CMSS1: variants seen among roughly 807,000 people sequenced by gnomAD.
CMSS1 encodes the protein protein CMSS1.
In CMSS1, 33 loss-of-function variants were observed where a neutral mutation model predicts 43.5. That is an observed-to-expected ratio of 0.76 (90% CI 0.57 to 1.01). The LOEUF is 1.01. Among genes scored for constraint, CMSS1 ranks in the 50% least tolerant of loss-of-function variants. The pLI is 0.00. For missense variants in CMSS1, 313 were observed against 326.4 expected (o/e 0.96, Z 0.32); for synonymous variants, 115 against 117.2 (o/e 0.98, Z 0.12).
At chr3:99,876,210 A>T (rs909307156) in intron 1 of CMSS1, 6 of 985,274 alleles carry the variant, frequency 6.1e-6, no homozygotes, top group Non-Finnish European at 7.2e-6. Flanking sequence ...TATGGGCGTT[A>T]CGTCACTGTT....
intron 1 of CMSS1, among the ~76,000 whole-genome samples, chr3:99,893,243 G>A (rs1706146000): frequency 7.0e-6 from 1 of 142,762 alleles, no homozygotes; most frequent in Non-Finnish European, 1.5e-5. Context: ...TCGGCTCACT[G>A]CAACCTCCGC....
At chr3:100,004,014 C>T (rs1303547732) in intron 1 of CMSS1, among the ~76,000 whole-genome samples, 4 of 152,092 alleles carry the variant, frequency 2.6e-5, no homozygotes, top group Non-Finnish European at 4.4e-5. Flanking sequence ...ATGTCTGTTC[C>T]CACCTGCCTC....
At chr3:99,859,369 A>G (rs1042702923) in intron 1 of CMSS1, among the ~76,000 whole-genome samples, 2 of 152,264 alleles carry the variant, frequency 1.3e-5, no homozygotes, top group Non-Finnish European at 1.5e-5. Context: ...TGATGATACC[A>G]AAGCTTGTTT....
At position 100,008,030 on chromosome 3, in the gene CMSS1, C is replaced by G. The variant is rs1710038572; in HGVS notation, c.65-138943C>G. ...TCCCCAGCACAACCTTGCCTGGGAC[C>G]TGTACACAAAGTGTTTCCCTCCTCC... On this transcript the variant is annotated intron_variant, in intron 1 of 9. Transcript: ENST00000421999. Among the ~76,000 whole-genome samples the G allele has an allele frequency of 2.6e-5, 4 of 152,262 alleles. No individual in the cohort carries two copies. In the South Asian group the frequency reaches 8.3e-4, roughly 32 times the overall value.
intron 1 of CMSS1, among the ~76,000 whole-genome samples, chr3:100,038,236 G>A (rs1021541455): frequency 6.6e-6 from 1 of 152,114 alleles, no homozygotes; most frequent in Non-Finnish European, 1.5e-5. Context: ...GATTACAGGC[G>A]TGAGCCACCA....
intron 1 of CMSS1, among the ~76,000 whole-genome samples, chr3:100,082,030 T>C (rs189561756): frequency 3.3e-4 from 51 of 152,366 alleles, no homozygotes; most frequent in African/African-American, 1.2e-3. Flanking sequence ...CAGTATCTTA[T>C]GATATTCTCT....
intron 1 of CMSS1, among the ~76,000 whole-genome samples, chr3:99,992,186 A>C (rs1424632136): frequency 1.3e-5 from 2 of 152,034 alleles, no homozygotes; most frequent in Non-Finnish European, 2.9e-5. Flanking sequence ...TATATATCCC[A>C]GTAGTGAAAT....
intron 1 of CMSS1, among the ~76,000 whole-genome samples, chr3:100,054,874 A>T (rs767433710): frequency 1.3e-5 from 2 of 152,188 alleles, no homozygotes; most frequent in Non-Finnish European, 2.9e-5. Flanking sequence ...CAGAAGTATG[A>T]GGTCATTTCA....
intron 1 of CMSS1, among the ~76,000 whole-genome samples, chr3:100,030,016 T>A (rs1420822649): frequency 6.6e-6 from 1 of 152,090 alleles, no homozygotes; most frequent in African/African-American, 2.4e-5. Flanking sequence ...GCTTCACATT[T>A]CTCTAGCATG....
chr3:100,100,220 T>C lies in CMSS1; in HGVS notation c.65-46753T>C, dbSNP rs1414236153. Among the ~76,000 whole-genome samples, 4 of 152,106 alleles carry C rather than the reference T, an allele frequency of 2.6e-5. No individual in the cohort carries two copies. The South Asian group carries it at 8.3e-4, about 32-fold the overall frequency. On this transcript the variant is annotated intron_variant, in intron 1 of 9. Coordinates refer to ENST00000421999, the MANE Select transcript of CMSS1 (RefSeq NM_032359.4). ...GCACAAGTAGCCTTCTCCTGAGATA[T>C]TCAAGGGTTGTACATCCTGAGGAAA... is the stretch of plus-strand genomic sequence containing the variant.
chr3:100,008,909 A>G (rs1710065516), intron 1 of CMSS1, among the ~76,000 whole-genome samples: 1 of 152,224 alleles, frequency 6.6e-6, no homozygotes. Flanking sequence ...AAGTGCCTAC[A>G]TAGTTCAGAA....
chr3:100,176,297 C>CAA (rs1164140783), intron 8 of CMSS1, 30 bp from the exon 9 acceptor site: 2 of 1,453,472 alleles, frequency 1.4e-6, no homozygotes, highest in Admixed American at 3.4e-5. Context: ...GAGGTCTTTA[C>CAA]TACAGCAACT....
At chr3:100,124,566 T>G (rs752577196) in intron 1 of CMSS1, among the ~76,000 whole-genome samples, 8 of 152,186 alleles carry the variant, frequency 5.3e-5, no homozygotes, top group Non-Finnish European at 1.2e-4. Flanking sequence ...ATTAGGAGCC[T>G]GCAGCAAACC....
chr3:100,174,400 ATT>A (rs921910986), intron 8 of CMSS1, among the ~76,000 whole-genome samples: 2 of 151,568 alleles, frequency 1.3e-5, no homozygotes, highest in African/African-American at 4.9e-5. Flanking sequence ...TCTTCTCTGT[ATT>A]TAAAAGAAAG....
At chr3:100,110,442 C>CAA (rs2066471792) in intron 1 of CMSS1, among the ~76,000 whole-genome samples, 1 of 152,084 alleles carries the variant, frequency 6.6e-6, no homozygotes, top group Non-Finnish European at 1.5e-5. Context: ...ATTTCCTAGT[C>CAA]AAGTGATTGT....
At position 99,910,669 on chromosome 3, in the gene CMSS1, C is replaced by T. The variant is rs778750586; in HGVS notation, c.64+92626C>T. Among the ~76,000 whole-genome samples, 21 of 128,312 alleles carry T rather than the reference C, an allele frequency of 1.6e-4. 2 individuals are homozygous for T. The highest frequency in any genetic ancestry group is 3.2e-4 in the Non-Finnish European group (18 of 55,554). The allele number at this position is 128,312 out of a possible 152,430, so 84.2% of individuals were successfully genotyped here. Reference sequence around the variant, plus strand: ...ACTATTATCTCCATATGTAAATAAACATTTTATGGGGTTTATATTTTCCCT... The same window carrying T: ...ACTATTATCTCCATATGTAAATAAATATTTTATGGGGTTTATATTTTCCCT... On this transcript the variant is annotated intron_variant, in intron 1 of 9. Coordinates refer to ENST00000421999, the MANE Select transcript of CMSS1 (RefSeq NM_032359.4).
At chr3:100,006,087 C>T (rs951271798) in intron 1 of CMSS1, among the ~76,000 whole-genome samples, 2 of 152,084 alleles carry the variant, frequency 1.3e-5, no homozygotes, top group African/African-American at 4.8e-5. Flanking sequence ...GACCAGAAAG[C>T]CCTTAGCCGT....
intron 2 of CMSS1, among the ~76,000 whole-genome samples, chr3:100,149,715 G>C (rs529550265): frequency 9.9e-5 from 15 of 152,098 alleles, no homozygotes; most frequent in Non-Finnish European, 1.3e-4. Flanking sequence ...GACTCACCTC[G>C]AGGACAGATT....
intron 1 of CMSS1, among the ~76,000 whole-genome samples, chr3:99,912,290 T>C (rs1027920171): frequency 3.3e-5 from 5 of 152,192 alleles, no homozygotes; most frequent in Admixed American, 3.3e-4. Flanking sequence ...ATGCCCAGAA[T>C]AGGCAAAACC....
Sources: gnomAD v4.1 joint callset for allele counts (sites outside exome capture counted in the v4.1 genomes callset) on GRCh38, gnomAD v4.1.1 for gene constraint, MANE v1.5 for transcripts, NCBI Gene and HGNC (gene_info 2026-07-23, HGNC 2026-07-21) for gene names.